DHRS7B: variants seen among roughly 807,000 people sequenced by gnomAD.
The protein encoded by DHRS7B is peroxisomal reductase activating PPAR-gamma.
A neutral mutation model predicts 26.4 loss-of-function variants in DHRS7B; 24 were observed. The ratio of observed to expected loss-of-function variants is 0.91; its 90% CI spans 0.66 to 1.28. The LOEUF (loss-of-function observed/expected upper bound fraction) is 1.28, where lower values mean the gene tolerates loss of function less well. Ranked by LOEUF, DHRS7B falls within the 50% of genes most tolerant of loss-of-function variation. The pLI, the probability that DHRS7B is intolerant of heterozygous loss-of-function variation, is 0.00. For synonymous variants in DHRS7B, 142 were observed against 166.4 expected (o/e 0.85, Z 1.13); for missense variants, 368 against 419.4 (o/e 0.88, Z 1.07).
chr17:21,141,202 G>T (rs1018617065), intron 1 of DHRS7B, among the ~76,000 whole-genome samples: 1 of 152,150 alleles, frequency 6.6e-6, no homozygotes, highest in African/African-American at 2.4e-5. Flanking sequence ...GACACCCCCA[G>T]GAGGCCACCG....
At chr17:21,169,577 T>TCCTCATGAC (rs1347435686) in intron 1 of DHRS7B, among the ~76,000 whole-genome samples, 1 of 152,182 alleles carries the variant, frequency 6.6e-6, no homozygotes, top group African/African-American at 2.4e-5. Context: ...TGAGGGTTCA[T>TCCTCATGAC]CCTCATGACC....
At chr17:21,147,277 C>CT (rs1255503614) in intron 1 of DHRS7B, among the ~76,000 whole-genome samples, 1 of 152,074 alleles carries the variant, frequency 6.6e-6, no homozygotes, top group African/African-American at 2.4e-5. Flanking sequence ...ACTCTGAAGC[C>CT]TTGGGCTATG....
intron 1 of DHRS7B, among the ~76,000 whole-genome samples, chr17:21,139,071 C>T (rs1367382504): frequency 6.6e-6 from 1 of 152,172 alleles, no homozygotes; most frequent in Non-Finnish European, 1.5e-5. Context: ...TGTCCTTGTT[C>T]ATTCCTGGGC....
chr17:21,147,255 A>G (rs565670651), intron 1 of DHRS7B, among the ~76,000 whole-genome samples: 71 of 152,294 alleles, frequency 4.7e-4, no homozygotes, highest in African/African-American at 1.7e-3. Context: ...AGTGTGCCTT[A>G]TATCAGTGAA....
chr17:21,171,678 T>C (rs992014102), intron 1 of DHRS7B: 7 of 408,120 alleles, frequency 1.7e-5, no homozygotes, highest in Admixed American at 3.6e-5. Flanking sequence ...CCAACACAGG[T>C]TTCCGAAGGA....
intron 1 of DHRS7B, among the ~76,000 whole-genome samples, chr17:21,154,596 A>G (rs943844638): frequency 2.0e-5 from 3 of 152,330 alleles, no homozygotes; most frequent in South Asian, 4.1e-4. Context: ...TGATCTACAT[A>G]AAAGAACAAC....
rs1974168347 is a variant in DHRS7B, at chr17:21,168,693, T to G, written c.21-3325T>G. On this transcript the variant is annotated intron_variant, in intron 1 of 6. Coordinates refer to ENST00000395511, the MANE Select transcript of DHRS7B (RefSeq NM_015510.5). Reference sequence around the variant, plus strand: ...CTTGGCACTGGCTTTTAATTTGCTTTGCATTCTGATTCGATAGCACTTTAC... The same window carrying G: ...CTTGGCACTGGCTTTTAATTTGCTTGGCATTCTGATTCGATAGCACTTTAC... The G allele has an allele frequency of 3.0e-6, 3 of 985,096 alleles. No individual in the cohort carries two copies. In the African/African-American group the frequency reaches 5.2e-5, roughly 17 times the overall value. 61.0% of individuals were successfully genotyped at this position (985,096 alleles called of 1,614,324 possible).
At chr17:21,172,241 C>A in intron 2 of DHRS7B, 45 bp downstream of exon 2, 2 of 1,572,532 alleles carry the variant, frequency 1.3e-6, no homozygotes, top group South Asian at 2.3e-5. Flanking sequence ...GGTAAGTCAG[C>A]CAGGGATGAG....
intron 3 of DHRS7B, among the ~76,000 whole-genome samples, chr17:21,179,116 T>TG (rs1352531735): frequency 2.6e-5 from 4 of 152,132 alleles, no homozygotes; most frequent in African/African-American, 7.2e-5. Flanking sequence ...AGCTAAATTT[T>TG]TTTTTTTCTA....
At chr17:21,171,233 A>C (rs1974238892) in intron 1 of DHRS7B, among the ~76,000 whole-genome samples, 1 of 152,136 alleles carries the variant, frequency 6.6e-6, no homozygotes, top group Non-Finnish European at 1.5e-5. Context: ...AATGCGGAGG[A>C]ATGGGGGAGG....
intron 1 of DHRS7B, among the ~76,000 whole-genome samples, chr17:21,162,578 C>T (rs1028435093): frequency 1.3e-5 from 2 of 152,104 alleles, no homozygotes; most frequent in African/African-American, 4.8e-5. Context: ...TTGGGAGGCA[C>T]GTGGCAGTGA....
At chr17:21,182,545 G>A (rs1334373973) in intron 3 of DHRS7B, among the ~76,000 whole-genome samples, 2 of 151,770 alleles carry the variant, frequency 1.3e-5, no homozygotes, top group Middle Eastern at 3.2e-3. Context: ...CACTGCCCCC[G>A]GCCAATTTTC....
At chr17:21,143,179 G>A (rs1973564435) in intron 1 of DHRS7B, among the ~76,000 whole-genome samples, 6 of 152,104 alleles carry the variant, frequency 3.9e-5, no homozygotes, top group Admixed American at 2.6e-4. Context: ...CGCCCACCTC[G>A]GCTTCCCAAA....
At chr17:21,164,788 A>G (rs544960612) in intron 1 of DHRS7B, among the ~76,000 whole-genome samples, 312 of 152,334 alleles carry the variant, frequency 2.0e-3, no homozygotes, top group African/African-American at 7.2e-3. Flanking sequence ...CCCCAGCCCT[A>G]GCCCAGTGCC....
intron 2 of DHRS7B, among the ~76,000 whole-genome samples, chr17:21,177,092 C>T (rs1405159483): frequency 2.0e-5 from 3 of 152,166 alleles, no homozygotes; most frequent in Non-Finnish European, 4.4e-5. Context: ...GTCAGGCCCT[C>T]CTGCTTAGCC....
rs186410421 is a variant in DHRS7B at position 21,152,630 on chromosome 17, G to A, written c.21-19388G>A. On this transcript the variant is annotated intron_variant, in intron 1 of 6. Coordinates refer to ENST00000395511, the MANE Select transcript of DHRS7B (RefSeq NM_015510.5). Reference sequence around the variant, plus strand: ...CCTTTGTGCTTCCAGCAGAGGGAGGGGAAAAAAAATCATCACTTTGAAATA... The same window carrying A: ...CCTTTGTGCTTCCAGCAGAGGGAGGAGAAAAAAAATCATCACTTTGAAATA... 2.6e-5 allele frequency among the ~76,000 whole-genome samples: 4 copies of A among 151,710 alleles called. No individual in the cohort carries two copies. In the East Asian group the frequency reaches 7.7e-4, roughly 29 times the overall value.
intron 1 of DHRS7B, among the ~76,000 whole-genome samples, chr17:21,158,327 T>C (rs1973925060): frequency 3.3e-5 from 5 of 152,150 alleles, no homozygotes; most frequent in African/African-American, 1.2e-4. Context: ...ATTGTAGAGA[T>C]TGGGAAGGAA....
Position 21,184,365 on chromosome 17 carries a change from C to G in DHRS7B, c.527-6C>G. ...CGCTTGCCTAAGCCTCTGCATCTGT[C>G]CTCAGCACTCCTGCCCTCCATGATC... On this transcript the variant is annotated splice_region_variant and splice_polypyrimidine_tract_variant and intron_variant, in intron 4 of 6. Coordinates refer to ENST00000395511, the MANE Select transcript of DHRS7B (RefSeq NM_015510.5). 6.2e-7 allele frequency: 1 copy of G among 1,613,420 alleles called. No individual in the cohort carries two copies. Among genetic ancestry groups the G allele is most frequent in the Non-Finnish European group, 8.5e-7 (1 of 1,179,734 alleles).
At chr17:21,152,653 A>T (rs1481111029) in intron 1 of DHRS7B, among the ~76,000 whole-genome samples, 1 of 152,232 alleles carries the variant, frequency 6.6e-6, no homozygotes, top group Non-Finnish European at 1.5e-5. Context: ...TCACTTTGAA[A>T]TATGCCAGAG....
Sources: allele counts gnomAD v4.1 joint callset (sites outside exome capture counted in the v4.1 genomes callset), GRCh38; gene constraint gnomAD v4.1.1; transcripts MANE v1.5; gene names NCBI Gene and HGNC (gene_info 2026-07-23, HGNC 2026-07-21).